The following RNF220 variants were observed in gnomAD, a reference collection of about 807,000 sequenced individuals.
RNF220 encodes the protein E3 ubiquitin-protein ligase RNF220.
Under a neutral mutation model 67.1 loss-of-function variants are expected in RNF220, and 7 were observed. The ratio of observed to expected loss-of-function variants is 0.10; its 90% confidence interval spans 0.06 to 0.20. The LOEUF (loss-of-function observed/expected upper bound fraction) is 0.20. RNF220 is among the 10% of genes least tolerant of loss of function. RNF220 has a pLI of 1.00. For synonymous variants in RNF220, 270 were observed against 283.2 expected, an observed-to-expected ratio of 0.95 and a Z score of 0.47; for missense variants, 565 against 740.3, an observed-to-expected ratio of 0.76 and a Z score of 2.75.
intron 2 of RNF220, among the ~76,000 whole-genome samples, chr1:44,540,405 C>G (rs1016331895): frequency 5.1e-4 from 77 of 152,158 alleles, no homozygotes; most frequent in African/African-American, 1.8e-3. Context: ...TTGAACTGTA[C>G]CACACATCAC....
intron 2 of RNF220, among the ~76,000 whole-genome samples, chr1:44,493,899 GTATC>G (rs1657081466): frequency 6.6e-6 from 1 of 151,940 alleles, no homozygotes; most frequent in African/African-American, 2.4e-5. Flanking sequence ...GTCAATAAAG[GTATC>G]TATTAAAAAA....
rs1197583833 is a variant in RNF220, at chr1:44,565,275, C to G, written c.626-48890C>G. Reference sequence around the variant, plus strand: ...GCCAGTTGGGTACCAATCTGGAAGCCTGGGGAAAATGCAGGGAGGGAGGGA... The same window carrying G: ...GCCAGTTGGGTACCAATCTGGAAGCGTGGGGAAAATGCAGGGAGGGAGGGA... On this transcript the variant is annotated intron_variant, in intron 2 of 14. Coordinates refer to ENST00000361799, the MANE Select transcript of RNF220 (RefSeq NM_018150.4). This position sits in a 1 kb window ranked among gnomAD's most constrained non-coding sequence, Gnocchi z 4.2. Among the ~76,000 whole-genome samples the G allele has an allele frequency of 7.4e-6, 1 of 135,272 alleles. No homozygotes were observed. The highest frequency in any genetic ancestry group is 2.7e-5 in the African/African-American group (1 of 36,850). The allele number at this position is 135,272 out of a possible 152,430, so 88.7% of individuals were successfully genotyped here. A position where few individuals can be genotyped will look rare whatever the true frequency, so the allele number is the denominator to read the frequency against.
intron 1 of RNF220, among the ~76,000 whole-genome samples, chr1:44,409,335 C>T (rs1319631964): frequency 6.6e-6 from 1 of 152,220 alleles, no homozygotes; most frequent in Non-Finnish European, 1.5e-5. Flanking sequence ...TGGATTGATC[C>T]CTCCTCCTTG....
chr1:44,449,151 G>T (rs114605643), intron 2 of RNF220, among the ~76,000 whole-genome samples: 3,814 of 152,284 alleles, frequency 0.025, 60 homozygotes, highest in Middle Eastern at 0.037. Flanking sequence ...TTTAGTCACA[G>T]CTCTAGCTAG....
At chr1:44,434,093 GC>G (rs1311174558) in intron 2 of RNF220, among the ~76,000 whole-genome samples, 1 of 152,118 alleles carries the variant, frequency 6.6e-6, no homozygotes, top group Non-Finnish European at 1.5e-5. Context: ...AAAATGACCT[GC>G]TGTGTCAAAT....
At chr1:44,528,259 C>A (rs1376475287) in intron 2 of RNF220, among the ~76,000 whole-genome samples, 1 of 150,116 alleles carries the variant, frequency 6.7e-6, no homozygotes, top group Non-Finnish European at 1.5e-5. Context: ...TAATATAGTT[C>A]ATGTAAATTA....
chr1:44,507,750 G>A (rs1212085993), intron 2 of RNF220, among the ~76,000 whole-genome samples: 1 of 152,158 alleles, frequency 6.6e-6, no homozygotes, highest in African/African-American at 2.4e-5. Context: ...GGGCGGCTTG[G>A]GCGCTGGGCG....
chr1:44,583,384 C>T (rs1292840967), intron 2 of RNF220, among the ~76,000 whole-genome samples: 3 of 152,136 alleles, frequency 2.0e-5, no homozygotes, highest in Non-Finnish European at 4.4e-5. Flanking sequence ...TGGGATGAAG[C>T]CTCACTTCTC....
chr1:44,651,065 G>C lies in RNF220; in HGVS notation c.*290G>C. The C allele has an allele frequency of 2.2e-6, 1 of 460,712 alleles. No homozygotes were observed. The allele number at this position is 460,712 out of a possible 1,614,324, so 28.5% of individuals were successfully genotyped here. ...GGGAGGTGGGGGTTGGGGGAGTAGT[G>C]GGGCACGGCTCCTAAGATCCAGCCC... On this transcript the variant is annotated 3_prime_UTR_variant, in exon 15 of 15. Coordinates refer to ENST00000361799, the MANE Select transcript of RNF220 (RefSeq NM_018150.4).
chr1:44,566,401 G>T (rs1294354532), intron 2 of RNF220, among the ~76,000 whole-genome samples: 1 of 152,166 alleles, frequency 6.6e-6, no homozygotes, highest in Non-Finnish European at 1.5e-5. Context: ...GCCCCTCTCT[G>T]GCTAAGCCTG....
chr1:44,613,714 A>G (rs759743027), intron 2 of RNF220, among the ~76,000 whole-genome samples: 2 of 152,080 alleles, frequency 1.3e-5, no homozygotes, highest in Non-Finnish European at 1.5e-5. Context: ...CCATCTCTAC[A>G]AAAAATACAA....
At chr1:44,647,699 G>C (rs899987236) in intron 12 of RNF220, among the ~76,000 whole-genome samples, 2 of 152,126 alleles carry the variant, frequency 1.3e-5, no homozygotes, top group Non-Finnish European at 2.9e-5. Context: ...CATGAAATGG[G>C]ACCACTACCC....
chr1:44,574,848 T>C (rs1337692927), intron 2 of RNF220, among the ~76,000 whole-genome samples: 1 of 144,472 alleles, frequency 6.9e-6, no homozygotes, highest in African/African-American at 2.5e-5. Flanking sequence ...GTTGTTGTTG[T>C]TGTTTTGCAT....
chr1:44,552,974 G>A (rs1180194564), intron 2 of RNF220, among the ~76,000 whole-genome samples: 3 of 152,114 alleles, frequency 2.0e-5, no homozygotes, highest in Non-Finnish European at 4.4e-5. Context: ...AATTCCAGCC[G>A]TGCTGAGTTA....
In RNF220 at chr1:44,527,937, A is replaced by AAAG. The variant is rs1553238398; in HGVS notation, c.626-86226_626-86225insGAA. ...CAAGACTCCATCCCAAAAAAAAAAAAAAAAAAAAAAAAAAGTTAAATGCAA... is the reference window on the plus strand; with the variant it reads ...CAAGACTCCATCCCAAAAAAAAAAAAAAGAAAAAAAAAAAAAAGTTAAATGCAA... On this transcript the variant is annotated intron_variant, in intron 2 of 14. Transcript: ENST00000361799. Among the ~76,000 whole-genome samples the AAAG allele has an allele frequency of 1.0e-4, 14 of 138,230 alleles. 2 individuals carry two copies. Among genetic ancestry groups the AAAG allele is most frequent in the South Asian group, 4.5e-4 (2 of 4,420 alleles). 90.7% of individuals were successfully genotyped at this position (138,230 alleles called of 152,430 possible).
At chr1:44,533,157 T>G (rs756886682) in intron 2 of RNF220, among the ~76,000 whole-genome samples, 11 of 152,378 alleles carry the variant, frequency 7.2e-5, no homozygotes, top group South Asian at 6.2e-4. Context: ...AACGAAAGTC[T>G]GCTGAAGGCT....
intron 2 of RNF220, among the ~76,000 whole-genome samples, chr1:44,607,146 C>T (rs1044993290): frequency 8.5e-5 from 13 of 152,216 alleles, no homozygotes; most frequent in African/African-American, 3.1e-4. Flanking sequence ...AGCAAGCCGC[C>T]ATCGTCTCTC....
At position 44,405,424 on chromosome 1, in the gene RNF220, C is replaced by A. The variant is rs959952902; in HGVS notation, c.-224C>A. On this transcript the variant is annotated 5_prime_UTR_variant, in exon 1 of 15. Transcript: ENST00000361799. Reference sequence around the variant, plus strand: ...CTGCCGCCGCCGCCGCCGCCGCTGCCTCCGCCGGCTCTGCGAACCCGGGAC... The same window carrying A: ...CTGCCGCCGCCGCCGCCGCCGCTGCATCCGCCGGCTCTGCGAACCCGGGAC... 4.0e-5 allele frequency: 25 copies of A among 632,356 alleles called. No individual in the cohort carries two copies. The highest frequency in any genetic ancestry group is 3.9e-4 in the African/African-American group (21 of 53,598). The allele number at this position is 632,356 out of a possible 1,614,324, so 39.2% of individuals were successfully genotyped here.
chr1:44,522,194 A>G lies in RNF220; in HGVS notation c.626-91971A>G, dbSNP rs563922866. Reference sequence around the variant, plus strand: ...ATTTCCATGTGGGAAGCTCCATCACATGATGGAAGGATGGTGGGATTTGAA... The same window carrying G: ...ATTTCCATGTGGGAAGCTCCATCACGTGATGGAAGGATGGTGGGATTTGAA... On this transcript the variant is annotated intron_variant, in intron 2 of 14. Coordinates refer to ENST00000361799, the MANE Select transcript of RNF220 (RefSeq NM_018150.4). Among the ~76,000 whole-genome samples, 831 of 152,312 alleles carry G rather than the reference A, an allele frequency of 5.5e-3. 6 individuals carry two copies. Among genetic ancestry groups the G allele is most frequent in the Non-Finnish European group, 7.6e-3 (517 of 68,038 alleles).
Sources: allele counts gnomAD v4.1 joint callset (sites outside exome capture counted in the v4.1 genomes callset), GRCh38; gene constraint gnomAD v4.1.1; non-coding constraint Gnocchi (gnomAD v3.1); transcripts MANE v1.5; gene names NCBI Gene and HGNC (gene_info 2026-07-23, HGNC 2026-07-21).